Variants in PXK observed in about 807,000 individuals in gnomAD.
PXK encodes PX domain containing serine/threonine kinase like.
PXK carries 35 observed loss-of-function variants against 84.7 expected under a neutral mutation model. The ratio of observed to expected loss-of-function variants is 0.41; its 90% CI spans 0.32 to 0.55. PXK has a LOEUF of 0.55. Among genes scored for constraint, PXK ranks in the 20% least tolerant of loss-of-function variants. The pLI is 0.21. For missense variants in PXK, 634 were observed against 699.7 expected (o/e 0.91, Z 1.06); for synonymous variants, 253 against 260.8 (o/e 0.97, Z 0.29).
At chr3:58,374,694 G>A (rs1056610928) in intron 3 of PXK, among the ~76,000 whole-genome samples, 1 of 152,124 alleles carries the variant, frequency 6.6e-6, no homozygotes, top group African/African-American at 2.4e-5. Context: ...ATTATTCCAT[G>A]TGTAGTATTT....
intron 1 of PXK, among the ~76,000 whole-genome samples, chr3:58,356,755 C>A (rs758125801): frequency 2.0e-5 from 3 of 151,836 alleles, no homozygotes; most frequent in Non-Finnish European, 4.4e-5. Context: ...AGATGCGTAC[C>A]TCCATGCCCG....
intron 3 of PXK, among the ~76,000 whole-genome samples, chr3:58,373,636 T>C (rs979655774): frequency 1.3e-5 from 2 of 152,158 alleles, no homozygotes; most frequent in African/African-American, 4.8e-5. Context: ...AGATCTGATG[T>C]TGGAAGTAAA....
At chr3:58,355,456 G>T (rs189049890) in intron 1 of PXK, among the ~76,000 whole-genome samples, 2 of 152,226 alleles carry the variant, frequency 1.3e-5, no homozygotes, top group South Asian at 2.1e-4. Context: ...TGGCTTGAGC[G>T]ACTTAACACG....
chr3:58,416,788 T>C lies in PXK; in HGVS notation c.1528+3825T>C, dbSNP rs950351673. 2.0e-5 allele frequency among the ~76,000 whole-genome samples: 3 copies of C among 152,006 alleles called. No individual in the cohort carries two copies. Among genetic ancestry groups the C allele is most frequent in the African/African-American group, 7.3e-5 (3 of 41,370 alleles). On this transcript the variant is annotated intron_variant, in intron 17 of 17. Transcript: ENST00000356151. This position sits in a 1 kb window ranked among gnomAD's most constrained non-coding sequence, Gnocchi z 4.8. Reference sequence around the variant, plus strand: ...GGCACTCACCACCACGCTTGGCTAATATTTTTGTATTTTTGATAGAGATGG... The same window carrying C: ...GGCACTCACCACCACGCTTGGCTAACATTTTTGTATTTTTGATAGAGATGG...
chr3:58,395,703 A>G lies in PXK; in HGVS notation c.766A>G (p.Lys256Glu). 1 of 1,613,950 alleles carries G rather than the reference A, an allele frequency of 6.2e-7. No homozygotes were observed. The highest frequency in any genetic ancestry group is 8.5e-7 in the Non-Finnish European group (1 of 1,179,872). ...PFLKKYCNPK[K>E]IQGLELQQIK... Reference sequence around the variant, plus strand: ...TCTAAAGAAGTACTGCAACCCTAAGAAGATTCAGGGCCTGGAACTCCAGCA... The same window carrying G: ...TCTAAAGAAGTACTGCAACCCTAAGGAGATTCAGGGCCTGGAACTCCAGCA... The change falls in exon 9 of 18, where the codon AAG (lysine) becomes GAG (glutamate). Residue 256 changes from lysine to glutamate, a missense_variant. Lys to Glu is a moderately conservative substitution (Grantham distance 56). This residue lies in a region of PXK where 353 missense variants were observed against 385.2 expected (regional missense o/e 0.92). Transcript: ENST00000356151.
chr3:58,378,711 T>G (rs542723572), intron 3 of PXK, among the ~76,000 whole-genome samples: 2 of 149,138 alleles, frequency 1.3e-5, no homozygotes, highest in African/African-American at 4.9e-5. Context: ...ATTTTTTGTG[T>G]TTTTAGTAGA....
intron 12 of PXK, among the ~76,000 whole-genome samples, chr3:58,402,353 G>C (rs2058715275): frequency 6.7e-6 from 1 of 149,640 alleles, no homozygotes. Context: ...CCCACCTCTA[G>C]CTGTGGAGTA....
rs2059943512 is a variant in PXK at position 58,409,886 on chromosome 3, T to G, written c.1396-204T>G. Among the ~76,000 whole-genome samples the G allele has an allele frequency of 6.6e-6, 1 of 152,250 alleles. No individual in the cohort carries two copies. The highest frequency in any genetic ancestry group is 2.1e-4 in the South Asian group (1 of 4,824). On this transcript the variant is annotated intron_variant, in intron 15 of 17. Transcript: ENST00000356151. This position sits in a 1 kb window ranked among gnomAD's most constrained non-coding sequence, Gnocchi z 4.2. ...GGAGGAAACGATTGGCCTGAGATAG[T>G]AAAGTCAGCATTTTTTGTTTTATTT...
At position 58,411,596 on chromosome 3, in the gene PXK, GC is replaced by G. The variant is rs1166139867; in HGVS notation, c.1466-1303del. Among the ~76,000 whole-genome samples, 8 of 152,166 alleles carry G rather than the reference GC, an allele frequency of 5.3e-5. No individual in the cohort carries two copies. The highest frequency in any genetic ancestry group is 1.0e-4 in the Non-Finnish European group (7 of 68,034). On this transcript the variant is annotated intron_variant, in intron 16 of 17. Coordinates refer to ENST00000356151, the MANE Select transcript of PXK (RefSeq NM_017771.5). The surrounding 1 kb of genome is among the most constrained non-coding windows in gnomAD (Gnocchi z 4.2). ...GCTAATTTTTTATAGAGCAGAGAAA[GC>G]CTGACAGTGTGCTCTCTACCTTCTA... is the stretch of plus-strand genomic sequence containing the variant.
rs62258127 is a variant in PXK at position 58,411,375 on chromosome 3, G to A, written c.1465+1216G>A. 0.3 allele frequency among the ~76,000 whole-genome samples: 45,081 copies of A among 152,106 alleles called. 7,445 individuals are homozygous for A. Among genetic ancestry groups the A allele is most frequent in the Middle Eastern group, 0.39 (116 of 294 alleles). ...CAGACTGGAGAAGGGCTCAGGAAGA[G>A]CTGCAAAGGAGAGGAAGGAGGGGTG... On this transcript the variant is annotated intron_variant, in intron 16 of 17. Transcript: ENST00000356151. The surrounding 1 kb of genome is among the most constrained non-coding windows in gnomAD (Gnocchi z 4.2).
intron 17 of PXK, chr3:58,422,456 C>A: frequency 1.0e-6 from 1 of 985,440 alleles, no homozygotes; most frequent in Non-Finnish European, 1.2e-6. Context: ...CCTGTCCTTT[C>A]GTTCCATCTG....
Position 58,345,494 on chromosome 3 carries a change from T to G in PXK, c.102+12404T>G, listed in dbSNP as rs77291571. ...CTTCAGACAACTTGTAGAATTACCG[T>G]TTTTATGATAATTCTCACTTGTATT... On this transcript the variant is annotated intron_variant, in intron 1 of 17. Coordinates refer to ENST00000356151, the MANE Select transcript of PXK (RefSeq NM_017771.5). Among the ~76,000 whole-genome samples, 1,079 of 152,290 alleles carry G rather than the reference T, an allele frequency of 7.1e-3. 14 individuals carry two copies. Among genetic ancestry groups the G allele is most frequent in the African/African-American group, 0.025 (1,025 of 41,538 alleles).
chr3:58,418,605 G>C (rs927242684), intron 17 of PXK, among the ~76,000 whole-genome samples: 7 of 64,596 alleles, frequency 1.1e-4, no homozygotes, highest in African/African-American at 3.2e-4. Context: ...AATAATTTCT[G>C]TTCTTTGAGG....
rs1430423347 is a variant in PXK, at chr3:58,332,892, G to T, written c.-97G>T. ...CCCGGCGGCGCGTGGGGCGGCGCGT[G>T]TTGACAGCGGCGGCGGTGGAACCGG... On this transcript the variant is annotated 5_prime_UTR_variant, in exon 1 of 18. Coordinates refer to ENST00000356151, the MANE Select transcript of PXK (RefSeq NM_017771.5). This position sits in a 1 kb window ranked among gnomAD's most constrained non-coding sequence, Gnocchi z 5.6. 3 of 742,752 alleles carry T rather than the reference G, an allele frequency of 4.0e-6. No homozygotes were observed. Among genetic ancestry groups the T allele is most frequent in the Non-Finnish European group, 5.3e-6 (3 of 564,994 alleles). The allele number at this position is 742,752 out of a possible 1,614,324, so 46.0% of individuals were successfully genotyped here.
At chr3:58,335,588 G>A (rs1197172516) in intron 1 of PXK, among the ~76,000 whole-genome samples, 1 of 139,622 alleles carries the variant, frequency 7.2e-6, no homozygotes, top group Admixed American at 6.8e-5. Context: ...GTAGCTGAAG[G>A]GAGATGGTGT....
intron 7 of PXK, among the ~76,000 whole-genome samples, chr3:58,393,144 C>T (rs1003146542): frequency 2.6e-5 from 4 of 151,916 alleles, no homozygotes; most frequent in African/African-American, 7.3e-5. Context: ...GTCAGGAGAT[C>T]GAAACCATCC....
At position 58,397,168 on chromosome 3, in the gene PXK, C is replaced by T. The variant is rs763413694; in HGVS notation, c.952C>T (p.Arg318Ter). Residue 318 changes from arginine to a stop codon, truncating the protein, a stop_gained, in exon 10 of 18, where the codon CGA becomes TGA. Coordinates refer to ENST00000356151, the MANE Select transcript of PXK (RefSeq NM_017771.5). LOFTEE classifies it high-confidence loss of function. The surrounding 1 kb of genome is among the most constrained non-coding windows in gnomAD (Gnocchi z 4.7). The part of the protein sequence containing the change: ...NSLLGLPSFY[R>*]SYFSQFRKIN... ...CTTATTGGGCCTGCCTTCCTTCTAC[C>T]GATCTTATTTTTCACAATTCAGGAA... is the stretch of plus-strand genomic sequence containing the variant. The T allele has an allele frequency of 2.5e-6, 4 of 1,614,102 alleles. No individual in the cohort carries two copies.
chr3:58,388,741 C>T (rs1576429131), intron 4 of PXK, among the ~76,000 whole-genome samples: 1 of 152,302 alleles, frequency 6.6e-6, no homozygotes, highest in East Asian at 1.9e-4. Context: ...AAACAAATAG[C>T]TAGTAAATTG....
rs1412561546 is a variant in PXK at position 58,332,947 on chromosome 3, C to T, written c.-42C>T. On this transcript the variant is annotated 5_prime_UTR_variant, in exon 1 of 18. Coordinates refer to ENST00000356151, the MANE Select transcript of PXK (RefSeq NM_017771.5). This position sits in a 1 kb window ranked among gnomAD's most constrained non-coding sequence, Gnocchi z 5.6. The stretch of plus-strand genomic sequence containing the variant: ...GCGGCGGGAGTCGGCGCCTCGGGTT[C>T]CTACCTCGCGTCCCTAGGCGGCGGC... 2.3e-6 allele frequency: 3 copies of T among 1,279,810 alleles called. No homozygotes were observed. The highest frequency in any genetic ancestry group is 2.8e-5 in the Admixed American group (1 of 35,414). 79.3% of individuals were successfully genotyped at this position (1,279,810 alleles called of 1,614,324 possible).
Sources: allele counts gnomAD v4.1 joint callset (sites outside exome capture counted in the v4.1 genomes callset), GRCh38; gene constraint gnomAD v4.1.1; regional missense constraint gnomAD v4.1.1; non-coding constraint Gnocchi (gnomAD v3.1); transcripts MANE v1.5; gene names NCBI Gene and HGNC (gene_info 2026-07-23, HGNC 2026-07-21).